The following SRGAP3 variants were observed in gnomAD, a reference collection of about 807,000 sequenced individuals.
SRGAP3 encodes SLIT-ROBO Rho GTPase-activating protein 3.
Under a neutral mutation model 121.1 loss-of-function variants are expected in SRGAP3, and 39 were observed. That is an observed-to-expected ratio of 0.32 (90% CI 0.25 to 0.42). The LOEUF is 0.42. Among genes scored for constraint, SRGAP3 ranks in the 10% least tolerant of loss-of-function variants. The pLI is 1.00. For missense variants in SRGAP3, 1,213 were observed against 1,470.6 expected (o/e 0.82, Z 2.86); for synonymous variants, 601 against 570.0 (o/e 1.05, Z -0.77).
intron 18 of SRGAP3, among the ~76,000 whole-genome samples, chr3:9,001,066 C>G (rs541269): frequency 0.42 from 64,448 of 151,996 alleles, 14,060 homozygotes; most frequent in East Asian, 0.61. Context: ...CAGAATACTG[C>G]TTGTCAGAGG....
chr3:9,242,359 G>A lies in SRGAP3; in HGVS notation c.67+6526C>T, dbSNP rs138274625. 1.5e-3 allele frequency among the ~76,000 whole-genome samples: 236 copies of A among 152,324 alleles called. 2 individuals are homozygous for A. Among genetic ancestry groups the A allele is most frequent in the Non-Finnish European group, 3.0e-3 (205 of 68,030 alleles). ...GATATCAAAGAAAAAAGCTGAAGCCGCACAGCGGCTCACGCCTGAAATCCC... is the reference window on the plus strand; with the variant it reads ...GATATCAAAGAAAAAAGCTGAAGCCACACAGCGGCTCACGCCTGAAATCCC... On this transcript the variant is annotated intron_variant, in intron 1 of 21. Transcript: ENST00000383836.
Position 8,992,831 on chromosome 3 carries a change from G to A in SRGAP3, c.2558+75C>T. ...GCAGTAGGCTCCTTCTCTCCTCTCT[G>A]CCCTTGTGCTTCTCCCAAATCAGAC... On this transcript the variant is annotated intron_variant, in intron 20 of 21. Coordinates refer to ENST00000383836, the MANE Select transcript of SRGAP3 (RefSeq NM_014850.4). The A allele has an allele frequency of 6.2e-6, 10 of 1,611,402 alleles. No individual in the cohort carries two copies. In the South Asian group the frequency reaches 1.1e-4, roughly 18 times the overall value.
intron 18 of SRGAP3, chr3:9,006,824 T>C (rs1368551276): frequency 6.6e-6 from 1 of 152,190 alleles, no homozygotes; most frequent in Non-Finnish European, 1.5e-5. Flanking sequence ...CATTTTTTCA[T>C]TTAGTCAAGG....
At chr3:9,233,159 C>T (rs560144174) in intron 1 of SRGAP3, among the ~76,000 whole-genome samples, 1 of 152,304 alleles carries the variant, frequency 6.6e-6, no homozygotes, top group Admixed American at 6.5e-5. Context: ...TATGTTATTT[C>T]AATTAATTAC....
intron 1 of SRGAP3, among the ~76,000 whole-genome samples, chr3:9,229,347 C>G (rs1381258969): frequency 6.6e-6 from 1 of 152,086 alleles, no homozygotes; most frequent in East Asian, 1.9e-4. Context: ...TAGCTGGTCC[C>G]TATAGGAAAG....
At chr3:9,142,899 G>A (rs1259273700) in intron 1 of SRGAP3, among the ~76,000 whole-genome samples, 1 of 130,202 alleles carries the variant, frequency 7.7e-6, no homozygotes, top group East Asian at 2.4e-4. Context: ...GTATAGTGGC[G>A]TGATCTCGGC....
At chr3:9,289,654 T>C (rs1430711351) in intron 3 of SRGAP3, among the ~76,000 whole-genome samples, 1 of 152,204 alleles carries the variant, frequency 6.6e-6, no homozygotes, top group Non-Finnish European at 1.5e-5. Flanking sequence ...GTGACAGATT[T>C]ATTTCCAAAT....
intron 4 of SRGAP3, among the ~76,000 whole-genome samples, chr3:9,079,278 G>A (rs1263652572): frequency 6.6e-6 from 1 of 152,122 alleles, no homozygotes; most frequent in East Asian, 1.9e-4. Flanking sequence ...AGCTCTACCT[G>A]CTGGGTCTAC....
At position 9,015,634 on chromosome 3, in the gene SRGAP3, A is replaced by G. The variant is rs370230048; in HGVS notation, c.1776T>C (p.Phe592=). The change falls in exon 15 of 22, where the codon TTT becomes TTC. Residue 592 remains phenylalanine (F), a synonymous_variant. Transcript: ENST00000383836. ...LYFRGLENPL[F]PKERFQDLIS... is the part of the protein sequence containing the mutation. ...TCAAATCTTGAAACCTTTCCTTAGG[A>G]AAGAGTGGGTTTTCCAGTCCTCGGA... The G allele has an allele frequency of 6.2e-7, 1 of 1,614,194 alleles. No individual in the cohort carries two copies. Among genetic ancestry groups the G allele is most frequent in the Middle Eastern group, 1.6e-4 (1 of 6,062 alleles).
chr3:9,136,119 CCT>C (rs1350550667), intron 1 of SRGAP3, among the ~76,000 whole-genome samples: 2 of 152,264 alleles, frequency 1.3e-5, no homozygotes, highest in African/African-American at 4.8e-5. Context: ...CTTCTTCCAG[CCT>C]CTCTGTGCTG....
chr3:9,361,565 G>A (rs192245295), intron 1 of SRGAP3, among the ~76,000 whole-genome samples: 118 of 152,174 alleles, frequency 7.8e-4, no homozygotes, highest in African/African-American at 2.7e-3. Flanking sequence ...GCCCTCTCTT[G>A]GCCAAGGAGA....
chr3:9,016,801 G>A (rs1385767928), intron 14 of SRGAP3, among the ~76,000 whole-genome samples: 1 of 152,146 alleles, frequency 6.6e-6, no homozygotes, highest in African/African-American at 2.4e-5. Context: ...TTTCTTCTCT[G>A]TGTATCAGCA....
chr3:9,203,439 C>T (rs1363443293), intron 1 of SRGAP3, among the ~76,000 whole-genome samples: 2 of 152,218 alleles, frequency 1.3e-5, no homozygotes, highest in Admixed American at 6.5e-5. Flanking sequence ...CTATCTTGTT[C>T]ATTTATCAAA....
intron 1 of SRGAP3, among the ~76,000 whole-genome samples, chr3:9,331,799 G>A (rs1239861598): frequency 6.6e-6 from 1 of 152,126 alleles, no homozygotes; most frequent in East Asian, 1.9e-4. Flanking sequence ...CATGGAGAGA[G>A]GCCTAGACAT....
At chr3:9,263,588 A>T (rs778172706) in intron 3 of SRGAP3, among the ~76,000 whole-genome samples, 1 of 152,210 alleles carries the variant, frequency 6.6e-6, no homozygotes, top group Non-Finnish European at 1.5e-5. Flanking sequence ...AGAATACTAT[A>T]AACACCTCTA....
chr3:9,322,400 A>G (rs1162023697), intron 3 of SRGAP3, among the ~76,000 whole-genome samples: 1 of 151,930 alleles, frequency 6.6e-6, no homozygotes, highest in East Asian at 1.9e-4. Flanking sequence ...AGCATGTTCT[A>G]TGAAACCCTG....
rs1442566977 is a variant in SRGAP3 at position 8,981,925 on chromosome 3, G to C, written c.*3594C>G. ...TCCCTCCGATTGTGCACTCTGTCCGGGGTTCAAAAGGCGCTTCGAGGTGAG... is the reference window on the plus strand; with the variant it reads ...TCCCTCCGATTGTGCACTCTGTCCGCGGTTCAAAAGGCGCTTCGAGGTGAG... On this transcript the variant is annotated 3_prime_UTR_variant, in exon 22 of 22. Coordinates refer to ENST00000383836, the MANE Select transcript of SRGAP3 (RefSeq NM_014850.4). 8.8e-6 allele frequency: 2 copies of C among 227,288 alleles called. No homozygotes were observed. The highest frequency in any genetic ancestry group is 4.4e-5 in the African/African-American group (2 of 45,006). The allele number at this position is 227,288 out of a possible 1,614,324, so 14.1% of individuals were successfully genotyped here.
Position 9,118,701 on chromosome 3 carries a change from C to G in SRGAP3, c.260+6024G>C, listed in dbSNP as rs370716749. On this transcript the variant is annotated intron_variant, in intron 2 of 21. Transcript: ENST00000383836. ...AATGCAGATTGCCAGGCCCCCCCCC[C>G]AAGAAGTTCTGATCCAGCAGGTCTC... Among the ~76,000 whole-genome samples the G allele has an allele frequency of 1.3e-4, 19 of 149,718 alleles. No individual in the cohort carries two copies. In the South Asian group the frequency reaches 2.4e-3, roughly 19 times the overall value.
chr3:9,162,389 C>T (rs1284134738), intron 1 of SRGAP3, among the ~76,000 whole-genome samples: 1 of 151,788 alleles, frequency 6.6e-6, no homozygotes, highest in African/African-American at 2.4e-5. Context: ...ATTAAGATGC[C>T]CCCTTTACAC....
Sources: allele counts gnomAD v4.1 joint callset (sites outside exome capture counted in the v4.1 genomes callset), GRCh38; gene constraint gnomAD v4.1.1; transcripts MANE v1.5; gene names NCBI Gene and HGNC (gene_info 2026-07-23, HGNC 2026-07-21).